Variants in TOX observed in about 807,000 individuals in gnomAD.
TOX encodes thymocyte selection-associated high mobility group box protein TOX.
Under a neutral mutation model 53.7 loss-of-function variants are expected in TOX, and 11 were observed. The observed-to-expected ratio is 0.20, with a 90% CI of 0.13 to 0.34. The LOEUF (loss-of-function observed/expected upper bound fraction) is 0.34. Ranked by LOEUF, TOX falls within the 10% of genes least tolerant of loss-of-function variation. The pLI, the probability that TOX is intolerant of heterozygous loss-of-function variation, is 1.00. For missense variants in TOX, 570 were observed against 664.6 expected (o/e 0.86, Z 1.56); for synonymous variants, 225 against 245.3 (o/e 0.92, Z 0.77).
At chr8:59,006,017 C>T (rs1813785602) in intron 1 of TOX, among the ~76,000 whole-genome samples, 1 of 152,210 alleles carries the variant, frequency 6.6e-6, no homozygotes, top group African/African-American at 2.4e-5. Context: ...GATGTGCACA[C>T]AGGATCATGT....
chr8:58,832,010 A>G (rs1178979103), intron 5 of TOX, among the ~76,000 whole-genome samples: 1 of 151,860 alleles, frequency 6.6e-6, no homozygotes, highest in East Asian at 1.9e-4. Context: ...GTCTGCTTCC[A>G]TGGTCTCTGA....
intron 4 of TOX, among the ~76,000 whole-genome samples, chr8:58,846,291 A>T (rs1810718478): frequency 6.6e-6 from 1 of 152,128 alleles, no homozygotes; most frequent in Non-Finnish European, 1.5e-5. Context: ...ATACTTTAAA[A>T]GTATCATACA....
At chr8:58,924,111 T>C (rs1812117275) in intron 3 of TOX, among the ~76,000 whole-genome samples, 2 of 152,180 alleles carry the variant, frequency 1.3e-5, no homozygotes, top group Admixed American at 1.3e-4. Flanking sequence ...TACAGTAATT[T>C]CGGCTGTGTT....
Position 59,118,766 on chromosome 8 carries a change from G to C in TOX, c.102+120C>G, listed in dbSNP as rs1805154732. On this transcript the variant is annotated intron_variant, in intron 1 of 8. Coordinates refer to ENST00000361421, the MANE Select transcript of TOX (RefSeq NM_014729.3). The surrounding 1 kb of genome is among the most constrained non-coding windows in gnomAD (Gnocchi z 4.1). The stretch of plus-strand genomic sequence containing the variant: ...GCGCACGCAGGCTGCAGCGGGCTGC[G>C]AGCCGAGCGCGCCCGGGACCGGCCT... 6 of 548,348 alleles carry C rather than the reference G, an allele frequency of 1.1e-5. No individual in the cohort carries two copies. Among genetic ancestry groups the C allele is most frequent in the East Asian group, 3.8e-5 (1 of 26,054 alleles). 34.0% of individuals were successfully genotyped at this position (548,348 alleles called of 1,614,324 possible). A position where few individuals can be genotyped will look rare whatever the true frequency, so the allele number is the denominator to read the frequency against.
At chr8:59,039,060 G>T (rs1803524777) in intron 1 of TOX, among the ~76,000 whole-genome samples, 1 of 152,180 alleles carries the variant, frequency 6.6e-6, no homozygotes, top group Non-Finnish European at 1.5e-5. Context: ...TGGGCTAAAT[G>T]ACCTCTGACC....
At chr8:58,940,620 A>T (rs1329105673) in intron 2 of TOX, among the ~76,000 whole-genome samples, 1 of 152,152 alleles carries the variant, frequency 6.6e-6, no homozygotes, top group Non-Finnish European at 1.5e-5. Flanking sequence ...GTGAGCCTTC[A>T]TAGTGTTTGG....
intron 6 of TOX, among the ~76,000 whole-genome samples, chr8:58,821,799 G>C (rs576069250): frequency 6.9e-4 from 105 of 152,284 alleles, no homozygotes; most frequent in Non-Finnish European, 1.3e-3. Context: ...GAAACCCTAA[G>C]ATGTAGGTCC....
At chr8:58,847,672 C>A (rs573648880) in intron 4 of TOX, among the ~76,000 whole-genome samples, 1 of 151,964 alleles carries the variant, frequency 6.6e-6, no homozygotes, top group African/African-American at 2.4e-5. Context: ...TGATTACAAT[C>A]GGAATGCATG....
At chr8:59,036,070 T>C (rs1348783987) in intron 1 of TOX, among the ~76,000 whole-genome samples, 1 of 152,184 alleles carries the variant, frequency 6.6e-6, no homozygotes, top group Non-Finnish European at 1.5e-5. Flanking sequence ...GCACATATAG[T>C]TGTTCCCCTA....
At chr8:58,949,126 T>C (rs1812575979) in intron 2 of TOX, among the ~76,000 whole-genome samples, 1 of 152,156 alleles carries the variant, frequency 6.6e-6, no homozygotes, top group South Asian at 2.1e-4. Context: ...TAAGGATATA[T>C]CAGGATTAAA....
intron 2 of TOX, among the ~76,000 whole-genome samples, chr8:58,953,230 G>A (rs1007999530): frequency 6.6e-6 from 1 of 152,092 alleles, no homozygotes; most frequent in African/African-American, 2.4e-5. Context: ...ATGTGTGTTT[G>A]ACTATCCCAA....
chr8:58,837,070 G>T (rs1345075408), intron 5 of TOX, among the ~76,000 whole-genome samples: 1 of 152,060 alleles, frequency 6.6e-6, no homozygotes, highest in Non-Finnish European at 1.5e-5. Context: ...ATACTTTATA[G>T]ATGTTAATAT....
rs191327329 is a variant in TOX at position 58,832,218 on chromosome 8, A to T, written c.925-5316T>A. Among the ~76,000 whole-genome samples the T allele has an allele frequency of 8.1e-5, 12 of 148,204 alleles. No individual in the cohort carries two copies. In the East Asian group the frequency reaches 2.3e-3, roughly 29 times the overall value. ...AATATGTATATAATATATGTAATAT[A>T]TATATAAATACCTGAATTTTACAAG... On this transcript the variant is annotated intron_variant, in intron 5 of 8. Coordinates refer to ENST00000361421, the MANE Select transcript of TOX (RefSeq NM_014729.3).
At chr8:58,926,692 A>C (rs1812166500) in intron 3 of TOX, among the ~76,000 whole-genome samples, 1 of 152,160 alleles carries the variant, frequency 6.6e-6, no homozygotes, top group South Asian at 2.1e-4. Flanking sequence ...TTATAAGCTA[A>C]ATTTTTTATA....
At chr8:59,081,038 T>C (rs1390621987) in intron 1 of TOX, among the ~76,000 whole-genome samples, 1 of 152,146 alleles carries the variant, frequency 6.6e-6, no homozygotes, top group Non-Finnish European at 1.5e-5. Context: ...TGTTTTGTTT[T>C]GTTTTGAAGA....
chr8:59,057,802 T>A (rs1394528742), intron 1 of TOX, among the ~76,000 whole-genome samples: 1 of 152,162 alleles, frequency 6.6e-6, no homozygotes, highest in Admixed American at 6.5e-5. Flanking sequence ...TTTGTAAATA[T>A]CTTCAGGAAA....
At chr8:59,079,225 T>C (rs922579224) in intron 1 of TOX, among the ~76,000 whole-genome samples, 1 of 152,110 alleles carries the variant, frequency 6.6e-6, no homozygotes, top group African/African-American at 2.4e-5. Flanking sequence ...AAGAAAAACC[T>C]TTTTGGGAGA....
chr8:59,080,261 G>A (rs753168929), intron 1 of TOX, among the ~76,000 whole-genome samples: 20 of 152,104 alleles, frequency 1.3e-4, no homozygotes, highest in Non-Finnish European at 7.4e-5. Context: ...GATTACAGGC[G>A]TGAGCCACTG....
chr8:58,998,227 G>A (rs969213461), intron 1 of TOX, among the ~76,000 whole-genome samples: 2 of 151,336 alleles, frequency 1.3e-5, no homozygotes, highest in Admixed American at 6.6e-5. Flanking sequence ...GGTGGCTCAC[G>A]CCTGTAATCC....
Sources: allele counts gnomAD v4.1 joint callset (sites outside exome capture counted in the v4.1 genomes callset), GRCh38; gene constraint gnomAD v4.1.1; non-coding constraint Gnocchi (gnomAD v3.1); transcripts MANE v1.5; gene names NCBI Gene and HGNC (gene_info 2026-07-23, HGNC 2026-07-21).